The following PANK2 variants were observed in gnomAD, a reference collection of about 807,000 sequenced individuals.
PANK2 encodes pantothenate kinase 2, also known as pantothenate kinase 2, mitochondrial.
Under a neutral mutation model 43.1 loss-of-function variants are expected in PANK2, and 36 were observed. The ratio of observed to expected loss-of-function variants is 0.84; its 90% CI spans 0.64 to 1.10. PANK2 has a LOEUF of 1.10. Ranked by LOEUF, PANK2 falls within the 50% of genes least tolerant of loss-of-function variation. PANK2 has a pLI of 0.00. For synonymous variants in PANK2, 281 were observed against 238.2 expected, an observed-to-expected ratio of 1.18 and a Z score of -1.66; for missense variants, 576 against 593.3, an observed-to-expected ratio of 0.97 and a Z score of 0.30.
At chr20:3,915,402 G>A (rs773072468) in intron 4 of PANK2, among the ~76,000 whole-genome samples, 66 of 151,968 alleles carry the variant, frequency 4.3e-4, no homozygotes, top group Non-Finnish European at 8.1e-4. Context: ...GGGTTCAAGC[G>A]ATTCTCCTGC....
chr20:3,911,456 G>A (rs1236064091), intron 3 of PANK2, among the ~76,000 whole-genome samples: 3 of 150,952 alleles, frequency 2.0e-5, no homozygotes, highest in Admixed American at 6.6e-5. Flanking sequence ...AGTGGCAGGC[G>A]CCTGTGAATC....
intron 1 of PANK2, among the ~76,000 whole-genome samples, chr20:3,895,095 A>G (rs1182920782): frequency 1.3e-5 from 2 of 152,032 alleles, no homozygotes; most frequent in African/African-American, 4.8e-5. Context: ...CTTGGGCAAC[A>G]TAGCCAGACC....
chr20:3,894,092 CAACT>C (rs2090166920), intron 1 of PANK2, among the ~76,000 whole-genome samples: 1 of 151,584 alleles, frequency 6.6e-6, no homozygotes, highest in Admixed American at 6.6e-5. Context: ...CCACCATGGC[CAACT>C]AATTTTTTGT....
chr20:3,903,010 CACACACA>C (rs2090327760), intron 1 of PANK2, among the ~76,000 whole-genome samples: 2 of 144,138 alleles, frequency 1.4e-5, no homozygotes, highest in Non-Finnish European at 3.2e-5. Flanking sequence ...CACACACACA[CACACACA>C]CCCCTTTTAC....
intron 1 of PANK2, among the ~76,000 whole-genome samples, chr20:3,890,257 T>G (rs974840470): frequency 6.6e-6 from 1 of 152,186 alleles, no homozygotes; most frequent in African/African-American, 2.4e-5. Flanking sequence ...CTGCCCTTCT[T>G]CTCGTGAGAA....
intron 4 of PANK2, among the ~76,000 whole-genome samples, chr20:3,913,775 C>CACACATATAT (rs575219677): frequency 8.1e-6 from 1 of 124,010 alleles, no homozygotes; most frequent in Non-Finnish European, 1.7e-5. Flanking sequence ...CACACACACA[C>CACACATATAT]ATATATATAT....
rs1009284458 is a variant in PANK2, at chr20:3,928,784, TGGG to T, written c.*5492_*5494del. 1 of 139,020 alleles carries T rather than the reference TGGG, an allele frequency of 7.2e-6. No homozygotes were observed. Among genetic ancestry groups the T allele is most frequent in the African/African-American group, 2.6e-5 (1 of 37,768 alleles). The allele number at this position is 139,020 out of a possible 1,614,324, so 8.6% of individuals were successfully genotyped here. A position where few individuals can be genotyped will look rare whatever the true frequency, so the allele number is the denominator to read the frequency against. On this transcript the variant is annotated 3_prime_UTR_variant, in exon 7 of 7. Coordinates refer to ENST00000610179, the MANE Select transcript of PANK2 (RefSeq NM_001386393.1). ...AAAAAAAAAAAAAAAAAAAAATTGT[TGGG>T]GTAATTTCTGTTGTCAAATGGAAAA...
chr20:3,920,845 C>G (rs1054408654), intron 6 of PANK2, among the ~76,000 whole-genome samples: 1 of 152,114 alleles, frequency 6.6e-6, no homozygotes, highest in Non-Finnish European at 1.5e-5. Context: ...AACTCCATCT[C>G]AAAACAAAAA....
At chr20:3,921,583 C>G (rs1406094845) in intron 6 of PANK2, 2 of 152,144 alleles carry the variant, frequency 1.3e-5, no homozygotes, top group Non-Finnish European at 2.9e-5. Flanking sequence ...ACTATTAAGA[C>G]AAACAGCCTT....
rs73610119 is a variant in PANK2 at position 3,913,142 on chromosome 20, C to A, written c.1082+508C>A. ...TCATCCTAGAAAGAAACCTTGTGTT[C>A]ATTAGCTACGACTCTCCATTCCCCC... On this transcript the variant is annotated intron_variant, in intron 4 of 6. Coordinates refer to ENST00000610179, the MANE Select transcript of PANK2 (RefSeq NM_001386393.1). 3.3e-5 allele frequency among the ~76,000 whole-genome samples: 5 copies of A among 152,050 alleles called. No individual in the cohort carries two copies. In the East Asian group the frequency reaches 9.7e-4, roughly 29 times the overall value.
rs2090412249 is a variant in PANK2 at position 3,907,916 on chromosome 20, C to T, written c.299-10C>T. On this transcript the variant is annotated splice_polypyrimidine_tract_variant and intron_variant, in intron 1 of 6. Transcript: ENST00000610179. ...AAAGCTGTTCTGACTTATTTTTCTT[C>T]CCCATTTAGTTTTTCCATGGTTTGG... 3.1e-6 allele frequency: 5 copies of T among 1,612,190 alleles called. No individual in the cohort carries two copies. Among genetic ancestry groups the T allele is most frequent in the East Asian group, 2.2e-5 (1 of 44,886 alleles).
At chr20:3,895,230 C>T (rs902299177) in intron 1 of PANK2, among the ~76,000 whole-genome samples, 56 of 151,986 alleles carry the variant, frequency 3.7e-4, no homozygotes, top group East Asian at 3.9e-4. Context: ...GCCGAGATTG[C>T]GCCACTGCAC....
chr20:3,899,535 T>C (rs1235606651), intron 1 of PANK2, among the ~76,000 whole-genome samples: 1 of 151,684 alleles, frequency 6.6e-6, no homozygotes, highest in African/African-American at 2.4e-5. Context: ...AGCCATGATA[T>C]TAAAATTCTC....
chr20:3,897,819 C>A (rs983461306), intron 1 of PANK2, among the ~76,000 whole-genome samples: 7 of 152,014 alleles, frequency 4.6e-5, no homozygotes, highest in Admixed American at 1.3e-4. Context: ...CCAGCTTGGT[C>A]AACATGGTGA....
chr20:3,890,895 C>T (rs887463835), intron 1 of PANK2, among the ~76,000 whole-genome samples: 1 of 152,124 alleles, frequency 6.6e-6, no homozygotes, highest in African/African-American at 2.4e-5. Context: ...AGTCAGTCAC[C>T]TAGTTTTGTT....
chr20:3,923,571 C>A lies in PANK2; in HGVS notation c.*277C>A. 5.9e-6 allele frequency: 3 copies of A among 506,008 alleles called. No homozygotes were observed. The highest frequency in any genetic ancestry group is 1.1e-5 in the Non-Finnish European group (3 of 279,882). 31.3% of individuals were successfully genotyped at this position (506,008 alleles called of 1,614,324 possible). A position where few individuals can be genotyped will look rare whatever the true frequency, so the allele number is the denominator to read the frequency against. On this transcript the variant is annotated 3_prime_UTR_variant, in exon 7 of 7. Transcript: ENST00000610179. ...GTTGCCTGCTTTGTATTTTTGAAAT[C>A]TCTGCATCACTCATTGGAAGTGCTT...
intron 1 of PANK2, among the ~76,000 whole-genome samples, chr20:3,897,438 C>T (rs1354329311): frequency 6.6e-6 from 1 of 152,172 alleles, no homozygotes; most frequent in Non-Finnish European, 1.5e-5. Context: ...TGTTAGCTCA[C>T]GTCTGTAATC....
rs2090679402 is a variant in PANK2 at position 3,923,528 on chromosome 20, A to G, written c.*234A>G. 6.9e-6 allele frequency: 4 copies of G among 579,936 alleles called. No homozygotes were observed. Among genetic ancestry groups the G allele is most frequent in the Non-Finnish European group, 1.2e-5 (4 of 326,676 alleles). 35.9% of individuals were successfully genotyped at this position (579,936 alleles called of 1,614,324 possible). A position where few individuals can be genotyped will look rare whatever the true frequency, so the allele number is the denominator to read the frequency against. ...AAGTGGCACATGTCCAGGCAGTGTG[A>G]GGATTTGCTGTATATAAGTTGCCTG... is the stretch of plus-strand genomic sequence containing the variant. On this transcript the variant is annotated 3_prime_UTR_variant, in exon 7 of 7. Coordinates refer to ENST00000610179, the MANE Select transcript of PANK2 (RefSeq NM_001386393.1).
At chr20:3,920,870 C>T (rs902793623) in intron 6 of PANK2, among the ~76,000 whole-genome samples, 3 of 151,928 alleles carry the variant, frequency 2.0e-5, no homozygotes, top group Non-Finnish European at 4.4e-5. Flanking sequence ...AACACCAAAC[C>T]GATATCATCA....
Sources: allele counts gnomAD v4.1 joint callset (sites outside exome capture counted in the v4.1 genomes callset), GRCh38; gene constraint gnomAD v4.1.1; transcripts MANE v1.5; gene names NCBI Gene and HGNC (gene_info 2026-07-23, HGNC 2026-07-21).